The following KCNH8 variants were observed in gnomAD, a reference collection of about 807,000 sequenced individuals.
KCNH8 encodes voltage-gated delayed rectifier potassium channel KCNH8.
A neutral mutation model predicts 103.6 loss-of-function variants in KCNH8; 70 were observed. The ratio of observed to expected loss-of-function variants is 0.68; its 90% confidence interval spans 0.56 to 0.82. KCNH8 has a LOEUF of 0.82. Among genes scored for constraint, KCNH8 ranks in the 40% least tolerant of loss-of-function variants. KCNH8 has a pLI of 0.00. For missense variants in KCNH8, 1,217 were observed against 1,329.9 expected (o/e 0.92, Z 1.32); for synonymous variants, 498 against 489.4 (o/e 1.02, Z -0.23).
chr3:19,417,212 A>T (rs560292436), intron 7 of KCNH8, among the ~76,000 whole-genome samples: 1 of 146,622 alleles, frequency 6.8e-6, no homozygotes, highest in South Asian at 2.1e-4. Flanking sequence ...ATATATTCAT[A>T]TATGTATATG....
chr3:19,427,710 C>A (rs2067049603), intron 7 of KCNH8, among the ~76,000 whole-genome samples: 2 of 152,184 alleles, frequency 1.3e-5, no homozygotes, highest in Non-Finnish European at 2.9e-5. Flanking sequence ...AACATTAAAA[C>A]CCCTCCCACC....
At chr3:19,522,266 C>T (rs200513215) in intron 15 of KCNH8, among the ~76,000 whole-genome samples, 1 of 151,832 alleles carries the variant, frequency 6.6e-6, no homozygotes, top group East Asian at 1.9e-4. Flanking sequence ...AACTGGAGAA[C>T]CAGGAGATCT....
In KCNH8 at chr3:19,248,269, G is replaced by C. The variant is rs117525362; in HGVS notation, c.77-5385G>C. ...GTATTGCAAAATACATTAAAAGCAC[G>C]TGAGATTAGAGACCAGATTATTTGA... On this transcript the variant is annotated intron_variant, in intron 1 of 15. Coordinates refer to ENST00000328405, the MANE Select transcript of KCNH8 (RefSeq NM_144633.3). Among the ~76,000 whole-genome samples the C allele has an allele frequency of 1.4e-3, 215 of 152,220 alleles. 3 individuals carry two copies. The highest frequency in any genetic ancestry group is 5.0e-3 in the African/African-American group (208 of 41,538).
chr3:19,284,552 T>TGTGTGTGA (rs1491346037), intron 3 of KCNH8, among the ~76,000 whole-genome samples: 4 of 135,248 alleles, frequency 3.0e-5, no homozygotes, highest in African/African-American at 8.2e-5. Flanking sequence ...TGTGTGTGTG[T>TGTGTGTGA]GAGGGAGAGA....
At chr3:19,420,771 C>A (rs1016406147) in intron 7 of KCNH8, among the ~76,000 whole-genome samples, 1 of 152,008 alleles carries the variant, frequency 6.6e-6, no homozygotes, top group Non-Finnish European at 1.5e-5. Flanking sequence ...CCTCCAAAAT[C>A]CAAAAAATAA....
intron 15 of KCNH8, among the ~76,000 whole-genome samples, chr3:19,533,031 C>T (rs1370003651): frequency 4.0e-5 from 6 of 151,828 alleles, no homozygotes; most frequent in African/African-American, 1.2e-4. Context: ...GATGAAACCC[C>T]GTCTCTACTA....
chr3:19,200,074 T>A (rs11918685), intron 1 of KCNH8, among the ~76,000 whole-genome samples: 2 of 152,054 alleles, frequency 1.3e-5, no homozygotes, highest in Non-Finnish European at 2.9e-5. Context: ...TGATTAAAAA[T>A]AAAATTTACT....
chr3:19,175,220 ATT>A (rs200814505), intron 1 of KCNH8, among the ~76,000 whole-genome samples: 87 of 137,616 alleles, frequency 6.3e-4, no homozygotes, highest in African/African-American at 1.9e-3. Flanking sequence ...CTGTTTTGTA[ATT>A]TTTTTTTTTT....
intron 3 of KCNH8, among the ~76,000 whole-genome samples, chr3:19,314,373 A>G (rs1397078580): frequency 6.6e-6 from 1 of 151,828 alleles, no homozygotes; most frequent in Non-Finnish European, 1.5e-5. Flanking sequence ...AGGAGATTGA[A>G]AGCATGGACA....
chr3:19,389,786 C>A (rs1381454773), intron 5 of KCNH8, among the ~76,000 whole-genome samples: 1 of 151,942 alleles, frequency 6.6e-6, no homozygotes, highest in African/African-American at 2.4e-5. Context: ...TGCCAGTATG[C>A]CCAGCTAATT....
intron 11 of KCNH8, among the ~76,000 whole-genome samples, chr3:19,467,858 A>G (rs2067774890): frequency 6.6e-6 from 1 of 152,108 alleles, no homozygotes; most frequent in African/African-American, 2.4e-5. Context: ...CTGCCTTTCA[A>G]AGTCATCTGA....
At chr3:19,254,831 T>C (rs2064326938) in intron 2 of KCNH8, among the ~76,000 whole-genome samples, 1 of 152,142 alleles carries the variant, frequency 6.6e-6, no homozygotes, top group African/African-American at 2.4e-5. Context: ...AGGTTGGGCT[T>C]GTAACTAAGT....
chr3:19,405,589 C>T (rs539520572), intron 7 of KCNH8, among the ~76,000 whole-genome samples: 24 of 151,910 alleles, frequency 1.6e-4, no homozygotes, highest in Admixed American at 2.6e-4. Context: ...TTATCATCGA[C>T]GCTTGATATA....
intron 1 of KCNH8, among the ~76,000 whole-genome samples, chr3:19,149,351 C>A (rs542506322): frequency 6.6e-6 from 1 of 152,024 alleles, no homozygotes; most frequent in African/African-American, 2.4e-5. Flanking sequence ...GCTAGAATAG[C>A]GTATCTTTTA....
chr3:19,435,890 C>T (rs2067191963), intron 7 of KCNH8, among the ~76,000 whole-genome samples: 1 of 152,122 alleles, frequency 6.6e-6, no homozygotes, highest in Non-Finnish European at 1.5e-5. Context: ...TTGTATAAAA[C>T]AGATCACACC....
chr3:19,156,985 A>ATTTTT (rs1205838506), intron 1 of KCNH8, among the ~76,000 whole-genome samples: 7 of 142,564 alleles, frequency 4.9e-5, no homozygotes, highest in African/African-American at 2.1e-4. Flanking sequence ...TTTTTTTTAA[A>ATTTTT]AAAAAGGTTT....
intron 11 of KCNH8, among the ~76,000 whole-genome samples, chr3:19,487,771 A>C (rs867044141): frequency 6.6e-6 from 1 of 152,152 alleles, no homozygotes; most frequent in Non-Finnish European, 1.5e-5. Context: ...CCTGTCTTGT[A>C]AAGGAGATGG....
chr3:19,324,040 C>T (rs919921939), intron 3 of KCNH8, among the ~76,000 whole-genome samples: 2 of 152,134 alleles, frequency 1.3e-5, no homozygotes, highest in Non-Finnish European at 2.9e-5. Flanking sequence ...TAGGATCAGG[C>T]AGTGGGTGGA....
rs2064861256 is a variant in KCNH8, at chr3:19,288,181, C to CTTTTTTTTTTTCTTTTTTTTT, written c.442+6863_442+6864insCTTTTTTTTTTTTTTTTTTTT. Among the ~76,000 whole-genome samples, 26 of 38,170 alleles carry CTTTTTTTTTTTCTTTTTTTTT rather than the reference C, an allele frequency of 6.8e-4. 1 individual carries two copies. The highest frequency in any genetic ancestry group is 2.4e-3 in the African/African-American group (25 of 10,386). 25.0% of individuals were successfully genotyped at this position (38,170 alleles called of 152,430 possible). On this transcript the variant is annotated intron_variant, in intron 3 of 15. Coordinates refer to ENST00000328405, the MANE Select transcript of KCNH8 (RefSeq NM_144633.3). The stretch of plus-strand genomic sequence containing the variant: ...CTTCTTGCACCGGTGTATCAAACTT[C>CTTTTTTTTTTTCTTTTTTTTT]TTTTTTTTTTTTTTTTTTTTTTTTT...
Sources: allele counts gnomAD v4.1 joint callset (sites outside exome capture counted in the v4.1 genomes callset), GRCh38; gene constraint gnomAD v4.1.1; transcripts MANE v1.5; gene names NCBI Gene and HGNC (gene_info 2026-07-23, HGNC 2026-07-21).